Variants in POLE observed in about 807,000 individuals in gnomAD.
POLE encodes the protein DNA polymerase epsilon, catalytic subunit.
POLE carries 188 observed loss-of-function variants against 279.2 expected under a neutral mutation model. That is an observed-to-expected ratio of 0.67 (90% CI 0.60 to 0.76). The LOEUF is 0.76. Among genes scored for constraint, POLE ranks in the 30% least tolerant of loss-of-function variants. The pLI is 0.00. For missense variants in POLE, 2,703 were observed against 3,016.7 expected (o/e 0.90, Z 2.44); for synonymous variants, 1,214 against 1,172.5 (o/e 1.04, Z -0.72).
chr12:132,652,443 T>C (rs1278452337), intron 29 of POLE, among the ~76,000 whole-genome samples: 1 of 147,596 alleles, frequency 6.8e-6, no homozygotes, highest in Non-Finnish European at 1.5e-5. Context: ...CACCTCAGCC[T>C]CCCAAGTAGC....
At chr12:132,625,923 A>C in intron 46 of POLE, 153 bp from the exon 47 acceptor site, 1 of 1,169,956 alleles carries the variant, frequency 8.5e-7, no homozygotes, top group Non-Finnish European at 1.2e-6. Context: ...TCCCACCTGC[A>C]CTTGAGCCCT....
Position 132,661,375 on chromosome 12 carries a change from G to A in POLE, c.2864+152C>T, listed in dbSNP as rs530832392. On this transcript the variant is annotated intron_variant, in intron 24 of 48. Transcript: ENST00000320574. The surrounding 1 kb of genome is among the most constrained non-coding windows in gnomAD (Gnocchi z 4.1). ...CCACAGAGCCAGAATACAGCAGGCG[G>A]GCAGACAGAGCTGGTGCAAACGGAA... 5.0e-6 allele frequency: 5 copies of A among 993,038 alleles called. No homozygotes were observed. Among genetic ancestry groups the A allele is most frequent in the African/African-American group, 4.9e-5 (3 of 61,630 alleles). 61.5% of individuals were successfully genotyped at this position (993,038 alleles called of 1,614,324 possible).
At chr12:132,636,048 C>T (rs2138487820) in intron 41 of POLE, 24 bp from the exon 42 acceptor site, 1 of 1,603,540 alleles carries the variant, frequency 6.2e-7, no homozygotes, top group Non-Finnish European at 8.5e-7. Flanking sequence ...ATTGAAGACG[C>T]TGCTTCAGTG....
rs1306953896 is a variant in POLE, at chr12:132,634,767, C to T, written c.5812-389G>A. On this transcript the variant is annotated intron_variant, in intron 42 of 48. Transcript: ENST00000320574. The surrounding 1 kb of genome is among the most constrained non-coding windows in gnomAD (Gnocchi z 4.0). ...ACCCCATCACAGACCCAGCCTCCCG[C>T]GCAGCCTGTGTTCGTGCCACGGCAC... Among the ~76,000 whole-genome samples the T allele has an allele frequency of 3.9e-5, 6 of 152,166 alleles. No homozygotes were observed. The highest frequency in any genetic ancestry group is 9.7e-5 in the African/African-American group (4 of 41,426).
chr12:132,677,827 A>G (rs2043090930), intron 6 of POLE, 108 bp from the exon 7 acceptor site: 1 of 1,053,630 alleles, frequency 9.5e-7, no homozygotes, highest in African/African-American at 1.6e-5. Context: ...AAACCGAGGA[A>G]ACACAAAAGG....
At chr12:132,683,912 G>A (rs1242968106) in intron 1 of POLE, among the ~76,000 whole-genome samples, 1 of 152,016 alleles carries the variant, frequency 6.6e-6, no homozygotes, top group Non-Finnish European at 1.5e-5. Context: ...CCATCGACTG[G>A]TTACTATATC....
chr12:132,663,642 G>C (rs2042726592), intron 23 of POLE, among the ~76,000 whole-genome samples: 1 of 152,180 alleles, frequency 6.6e-6, no homozygotes, highest in African/African-American at 2.4e-5. Context: ...GCAGTTACTG[G>C]GGCACAGACA....
intron 32 of POLE, among the ~76,000 whole-genome samples, chr12:132,647,880 A>T (rs1004196071): frequency 1.3e-5 from 2 of 152,166 alleles, no homozygotes; most frequent in Admixed American, 6.5e-5. Flanking sequence ...CGGGGATTAC[A>T]GGTGTGAACC....
intron 40 of POLE, chr12:132,638,564 T>C (rs1203062850): frequency 6.0e-6 from 1 of 167,974 alleles, no homozygotes; most frequent in African/African-American, 2.4e-5. Context: ...CCGGCCATGT[T>C]GGTGAGGCGC....
In POLE at chr12:132,643,318, T is replaced by C; in HGVS notation, c.4457A>G (p.His1486Arg). The change falls in exon 35 of 49, where the codon CAT becomes CGT. Residue 1486 changes from histidine to arginine, a missense_variant. Transcript: ENST00000320574. ...CTGTGCGTGGTGGTACAGGTAGATA[T>C]GGCGGATACTCCCTGGAGAAGGAAA... Reference protein sequence around the residue: ...FSYLEPGSIRHIYLYHHAQAH... With the variant: ...FSYLEPGSIRRIYLYHHAQAH... The C allele has an allele frequency of 6.2e-7, 1 of 1,614,016 alleles. No individual in the cohort carries two copies. The highest frequency in any genetic ancestry group is 8.5e-7 in the Non-Finnish European group (1 of 1,180,012).
At chr12:132,676,046 C>A (rs2136013217) in intron 10 of POLE, 48 bp downstream of exon 10, 1 of 1,246,790 alleles carries the variant, frequency 8.0e-7, no homozygotes, top group East Asian at 2.3e-5. Context: ...ATCCACATGT[C>A]CGTTCTTCCC....
rs1177751233 is a variant in POLE, at chr12:132,657,373, G to A, written c.3435C>T (p.Ile1145=). ...ERLGSAIQKI[I]TIPAALQQVK... is the part of the protein sequence containing the mutation. ...CCTGCTGCAGGGCCGCAGGGATGGT[G>A]ATGATCTTCTGGATGGCGCTTCCCA... Residue 1145 remains isoleucine (I), a synonymous_variant, in exon 28 of 49, where the codon ATC becomes ATT. Coordinates refer to ENST00000320574, the MANE Select transcript of POLE (RefSeq NM_006231.4). 1.9e-6 allele frequency: 3 copies of A among 1,613,974 alleles called. No individual in the cohort carries two copies. The highest frequency in any genetic ancestry group is 2.7e-5 in the African/African-American group (2 of 74,886).
In POLE at chr12:132,632,772, A is replaced by G. The variant is rs1593709200; in HGVS notation, c.6028T>C (p.Cys2010Arg). The change falls in exon 44 of 49, where the codon TGC becomes CGC. Residue 2010 changes from cysteine (C) to arginine (R), a missense_variant. This residue lies in a region of POLE where 1,551 missense variants were observed against 1,686.1 expected (regional missense o/e 0.92). Transcript: ENST00000320574. The stretch of plus-strand genomic sequence containing the variant: ...CTGCGCCTCAGCCCGTCCTTCATGC[A>G]GTGGTACACGGCCACGATGTACGCT... ...VSAYIVAVYH[C>R]MKDGLRRSAP... 1.2e-6 allele frequency: 2 copies of G among 1,610,852 alleles called. No individual in the cohort carries two copies. The highest frequency in any genetic ancestry group is 1.7e-6 in the Non-Finnish European group (2 of 1,179,870).
In POLE at chr12:132,642,897, G is replaced by GT; in HGVS notation, c.4650dup (p.His1551ThrfsTer10). The stretch of plus-strand genomic sequence containing the variant: ...GTTTCTGCCCGAACTTCGAAGGTGT[G>GT]TTTGGGGGGTGGCAGGAGCTCAGGG... On this transcript the variant is annotated frameshift_variant, in exon 36 of 49. Coordinates refer to ENST00000320574, the MANE Select transcript of POLE (RefSeq NM_006231.4). LOFTEE classifies it high-confidence loss of function. 1 of 1,613,814 alleles carries GT rather than the reference G, an allele frequency of 6.2e-7. No homozygotes were observed. The highest frequency in any genetic ancestry group is 2.2e-5 in the East Asian group (1 of 44,882).
In POLE at chr12:132,623,797, G is replaced by A. The variant is rs963059006; in HGVS notation, c.*900C>T. 1 of 188,854 alleles carries A rather than the reference G, an allele frequency of 5.3e-6. No individual in the cohort carries two copies. The highest frequency in any genetic ancestry group is 2.3e-5 in the African/African-American group (1 of 42,790). The allele number at this position is 188,854 out of a possible 1,614,324, so 11.7% of individuals were successfully genotyped here. A position where few individuals can be genotyped will look rare whatever the true frequency, so the allele number is the denominator to read the frequency against. On this transcript the variant is annotated 3_prime_UTR_variant, in exon 49 of 49. Transcript: ENST00000320574. ...TATGAAATACAAATAAAAACAAAGT[G>A]TAGCAGCGATGGCCTCAGACAGTAG...
chr12:132,649,235 G>A, intron 31 of POLE, 71 bp downstream of exon 31: 2 of 1,552,616 alleles, frequency 1.3e-6, no homozygotes, highest in Non-Finnish European at 1.8e-6. Flanking sequence ...CAGACCTCAG[G>A]GCCCAGCTGG....
chr12:132,629,106 AG>A (rs1402034523), intron 45 of POLE, among the ~76,000 whole-genome samples: 20 of 152,378 alleles, frequency 1.3e-4, no homozygotes, highest in African/African-American at 4.8e-4. Context: ...CATGGGCTGC[AG>A]AAGGGATGCT....
intron 16 of POLE, among the ~76,000 whole-genome samples, chr12:132,670,875 T>C (rs886433082): frequency 2.6e-5 from 4 of 152,204 alleles, no homozygotes; most frequent in Admixed American, 2.6e-4. Context: ...AGTATAATAA[T>C]GGATGTGGCT....
At chr12:132,633,398 C>T (rs11146984) in intron 43 of POLE, 8,947 of 152,302 alleles carry the variant, frequency 0.059, 386 homozygotes, top group Non-Finnish European at 0.087. Context: ...CTTGACCTCA[C>T]GTGATCCACC....
Sources: gnomAD v4.1 joint callset for allele counts (sites outside exome capture counted in the v4.1 genomes callset) on GRCh38, gnomAD v4.1.1 for gene constraint, gnomAD v4.1.1 regional missense constraint, Gnocchi (gnomAD v3.1) non-coding constraint, MANE v1.5 for transcripts, NCBI Gene and HGNC (gene_info 2026-07-23, HGNC 2026-07-21) for gene names.